The following HINT2 variants were observed in gnomAD, a reference collection of about 807,000 sequenced individuals.
The protein encoded by HINT2 is histidine triad nucleotide binding protein 2.
Under a neutral mutation model 20.0 loss-of-function variants are expected in HINT2, and 17 were observed. The ratio of observed to expected loss-of-function variants is 0.85; its 90% CI spans 0.58 to 1.27. The LOEUF is 1.27. HINT2 is among the 50% of genes most tolerant of loss of function. The pLI, the probability that HINT2 is intolerant of heterozygous loss-of-function variation, is 0.00. For synonymous variants in HINT2, 96 were observed against 84.2 expected, an observed-to-expected ratio of 1.14 and a Z score of -0.77; for missense variants, 217 against 211.9, an observed-to-expected ratio of 1.02 and a Z score of -0.15.
Position 35,815,032 on chromosome 9 carries a change from C to G in HINT2, c.-53G>C, listed in dbSNP as rs867048211. ...CCGGGTCAGCACTCGGCTCCGCGGCCGGCCGTGGGTGGGGACTCCGGGCGC... is the reference window on the plus strand; with the variant it reads ...CCGGGTCAGCACTCGGCTCCGCGGCGGGCCGTGGGTGGGGACTCCGGGCGC... On this transcript the variant is annotated 5_prime_UTR_variant, in exon 1 of 5. Coordinates refer to ENST00000259667, the MANE Select transcript of HINT2 (RefSeq NM_032593.3). 2 of 1,356,786 alleles carry G rather than the reference C, an allele frequency of 1.5e-6. No homozygotes were observed. The highest frequency in any genetic ancestry group is 1.9e-6 in the Non-Finnish European group (2 of 1,057,174). 84.0% of individuals were successfully genotyped at this position (1,356,786 alleles called of 1,614,324 possible). A position where few individuals can be genotyped will look rare whatever the true frequency, so the allele number is the denominator to read the frequency against.
chr9:35,814,135 A>T (rs540181839), intron 1 of HINT2: 14 of 210,752 alleles, frequency 6.6e-5, no homozygotes, highest in Non-Finnish European at 1.1e-4. Flanking sequence ...CTCAGCTTCT[A>T]ATATAAAATA....
Position 35,813,642 on chromosome 9 carries a change from A to AC in HINT2, c.222+1dup, listed in dbSNP as rs781380475. 6.2e-6 allele frequency: 10 copies of AC among 1,614,060 alleles called. No homozygotes were observed. The African/African-American group carries it at 1.2e-4, about 19-fold the overall frequency. On this transcript the variant is annotated splice_donor_variant, in intron 2 of 4. Transcript: ENST00000259667. LOFTEE classifies it high-confidence loss of function. ...AGGGGATAGGTCCTAAGAGCACCCC[A>AC]CCTGCTGGTCCTCATAGAGAATGTC...
At chr9:35,815,096 C>T, upstream of HINT2, 1 of 955,074 alleles carries the variant, frequency 1.0e-6, no homozygotes, top group Non-Finnish European at 1.4e-6. Context: ...AGCCCTGCTA[C>T]CCCATTGGAG....
At chr9:35,815,060 G>A (rs901930043), upstream of HINT2, 5 of 1,272,042 alleles carry the variant, frequency 3.9e-6, no homozygotes, top group African/African-American at 1.6e-5. Flanking sequence ...CCGGGCGCGG[G>A]GAAGCGGGGT....
chr9:35,814,955 C>T lies in HINT2; in HGVS notation c.25G>A (p.Ala9Thr), dbSNP rs866974601. Residue 9 changes from alanine to threonine, a missense_variant, in exon 1 of 5, where the codon GCT (alanine) becomes ACT (threonine). Ala to Thr is a moderately conservative substitution (Grantham distance 58). Transcript: ENST00000259667. ...GCTCTGCGCGCCGCGCGCAACCCAG[C>T]AGCCAGCACCACGGCTGCCGCCATC... MAAAVVLA[A>T]GLRAARRAVA... The T allele has an allele frequency of 8.8e-6, 13 of 1,479,452 alleles. No homozygotes were observed. The East Asian group carries it at 3.3e-4, about 37-fold the overall frequency. The allele number at this position is 1,479,452 out of a possible 1,614,324, so 91.6% of individuals were successfully genotyped here. A position where few individuals can be genotyped will look rare whatever the true frequency, so the allele number is the denominator to read the frequency against.
At position 35,813,126 on chromosome 9, in the gene HINT2, C is replaced by T. The variant is rs1168195935; in HGVS notation, c.420G>A (p.Leu140=). Residue 140 remains leucine (L), a synonymous_variant, in exon 5 of 5, where the codon CTG becomes CTA. Coordinates refer to ENST00000259667, the MANE Select transcript of HINT2 (RefSeq NM_032593.3). ...GYRLVINDGK[L]GAQSVYHLHI... ...GCAGATGATACACAGATTGTGCACC[C>T]AGCTTCCCATCGTTGATCACTGAAA... 1.9e-6 allele frequency: 3 copies of T among 1,614,192 alleles called. No homozygotes were observed. Among genetic ancestry groups the T allele is most frequent in the Non-Finnish European group, 1.7e-6 (2 of 1,180,030 alleles).
At chr9:35,814,847 G>A (rs1402092572) in intron 1 of HINT2, 52 bp downstream of exon 1, 5 of 1,431,998 alleles carry the variant, frequency 3.5e-6, no homozygotes, top group Non-Finnish European at 4.6e-6. Context: ...CCTGGCCCCG[G>A]ATGGCTTCGG....
chr9:35,815,080 C>T, upstream of HINT2: 2 of 1,093,142 alleles, frequency 1.8e-6, no homozygotes, highest in Non-Finnish European at 2.4e-6. Flanking sequence ...TAGTGGCGGC[C>T]GGGCGAGCCC....
chr9:35,814,965 C>G lies in HINT2; in HGVS notation c.15G>C (p.Val5=). MAAA[V]VLAAGLRAAR... ...CCGCGCGCAACCCAGCAGCCAGCAC[C>G]ACGGCTGCCGCCATCTTCCCTGAGC... Residue 5 remains valine (V), a synonymous_variant, in exon 1 of 5, where the codon GTG becomes GTC. Transcript: ENST00000259667. 4.1e-6 allele frequency: 6 copies of G among 1,476,046 alleles called. No individual in the cohort carries two copies. The highest frequency in any genetic ancestry group is 5.4e-6 in the Non-Finnish European group (6 of 1,120,922). The allele number at this position is 1,476,046 out of a possible 1,614,324, so 91.4% of individuals were successfully genotyped here. A position where few individuals can be genotyped will look rare whatever the true frequency, so the allele number is the denominator to read the frequency against.
At chr9:35,814,873 C>T (rs1246083074) in intron 1 of HINT2, 26 bp downstream of exon 1, 4 of 1,482,602 alleles carry the variant, frequency 2.7e-6, no homozygotes, top group Non-Finnish European at 3.6e-6. Flanking sequence ...GCAGGACCCC[C>T]TACTCGCTCC....
At chr9:35,815,072 G>A, upstream of HINT2, 1 of 1,187,052 alleles carries the variant, frequency 8.4e-7, no homozygotes, top group Non-Finnish European at 1.1e-6. Context: ...AAGCGGGGTA[G>A]TGGCGGCCGG....
chr9:35,812,964 G>A lies in HINT2; in HGVS notation c.*90C>T. On this transcript the variant is annotated 3_prime_UTR_variant, in exon 5 of 5. Transcript: ENST00000259667. ...ATTAAAGACAGGAGAGCATAATTAAGGGAGAACAGTTTTATTAGCATCACA... is the reference window on the plus strand; with the variant it reads ...ATTAAAGACAGGAGAGCATAATTAAAGGAGAACAGTTTTATTAGCATCACA... 1.0e-6 allele frequency: 1 copy of A among 985,450 alleles called. No individual in the cohort carries two copies. Among genetic ancestry groups the A allele is most frequent in the Non-Finnish European group, 1.6e-6 (1 of 611,462 alleles). 61.0% of individuals were successfully genotyped at this position (985,450 alleles called of 1,614,324 possible).
intron 2 of HINT2, 24 bp downstream of exon 2, chr9:35,813,620 G>A: frequency 6.2e-7 from 1 of 1,614,052 alleles, no homozygotes; most frequent in Non-Finnish European, 8.5e-7. Context: ...ATTCCTAAGG[G>A]GATAGGTCCT....
chr9:35,814,548 G>C (rs957866714), intron 1 of HINT2: 2 of 262,326 alleles, frequency 7.6e-6, no homozygotes, highest in African/African-American at 4.5e-5. Context: ...GTGCTCATTA[G>C]GAGGCCAGAA....
At chr9:35,813,233 T>A (rs560305898) in intron 4 of HINT2, 33 bp downstream of exon 4, 5 of 1,613,442 alleles carry the variant, frequency 3.1e-6, no homozygotes, top group Non-Finnish European at 4.2e-6. Flanking sequence ...TGAGAATTCA[T>A]AGGTGAGGGA....
In HINT2 at chr9:35,813,646, G is replaced by A. The variant is rs758933668; in HGVS notation, c.220C>T (p.Gln74Ter). 60 of 1,614,088 alleles carry A rather than the reference G, an allele frequency of 3.7e-5. No homozygotes were observed. Among genetic ancestry groups the A allele is most frequent in the South Asian group, 8.8e-5 (8 of 91,094 alleles). The change falls in exon 2 of 5, where the codon CAG becomes TAG. Residue 74 changes from glutamine (Q) to a stop codon, truncating the protein, a stop_gained and splice_region_variant. Transcript: ENST00000259667. LOFTEE classifies it high-confidence loss of function. The part of the protein sequence containing the change: ...LPADILYEDQ[Q>*]CLVFRDVAPQ... ...GATAGGTCCTAAGAGCACCCCACCT[G>A]CTGGTCCTCATAGAGAATGTCAGCT... is the stretch of plus-strand genomic sequence containing the variant.
chr9:35,814,780 G>C (rs1828974958), intron 1 of HINT2, 119 bp downstream of exon 1: 2 of 847,684 alleles, frequency 2.4e-6, no homozygotes, highest in Non-Finnish European at 3.4e-6. Flanking sequence ...CTTGTGCCTC[G>C]GAGGGGCAGA....
intron 4 of HINT2, 30 bp from the exon 5 acceptor site, chr9:35,813,175 G>C (rs758725557): frequency 6.2e-7 from 1 of 1,613,216 alleles, no homozygotes; most frequent in Non-Finnish European, 8.5e-7. Flanking sequence ...TAGGGAGTCA[G>C]GATCATGGCA....
upstream of HINT2, chr9:35,815,057 C>G: frequency 7.9e-7 from 1 of 1,268,392 alleles, no homozygotes; most frequent in Admixed American, 4.1e-5. Context: ...ACTCCGGGCG[C>G]GGGGAAGCGG....
Sources: gnomAD v4.1 joint callset for allele counts on GRCh38, gnomAD v4.1.1 for gene constraint, MANE v1.5 for transcripts, NCBI Gene and HGNC (gene_info 2026-07-23, HGNC 2026-07-21) for gene names.